Variants in PLCB1 observed in about 807,000 individuals in gnomAD.
PLCB1 encodes the protein phospholipase C beta 1.
A neutral mutation model predicts 161.8 loss-of-function variants in PLCB1; 46 were observed. The observed-to-expected ratio is 0.28, with a 90% CI of 0.22 to 0.36. PLCB1 has a LOEUF of 0.36. Ranked by LOEUF, PLCB1 falls within the 10% of genes least tolerant of loss-of-function variation. The probability of loss-of-function intolerance (pLI) is 1.00; values close to 1 mark genes in which losing one functional copy is unlikely to be tolerated. For synonymous variants in PLCB1, 517 were observed against 503.7 expected (o/e 1.03, Z -0.35); for missense variants, 1,016 against 1,472.5 (o/e 0.69, Z 5.07).
intron 2 of PLCB1, among the ~76,000 whole-genome samples, chr20:8,318,137 A>G (rs986400508): frequency 6.6e-6 from 1 of 152,106 alleles, no homozygotes. Flanking sequence ...GATGCATCCT[A>G]GTATTCATAA....
At chr20:8,333,658 T>G (rs1016644400) in intron 2 of PLCB1, among the ~76,000 whole-genome samples, 1 of 152,166 alleles carries the variant, frequency 6.6e-6, no homozygotes, top group Non-Finnish European at 1.5e-5. Context: ...CTAAAAAGCA[T>G]CTGGCCCAAA....
intron 3 of PLCB1, among the ~76,000 whole-genome samples, chr20:8,433,934 A>G (rs937913778): frequency 1.3e-5 from 2 of 150,322 alleles, no homozygotes; most frequent in Admixed American, 1.3e-4. Flanking sequence ...TCTTTCTATT[A>G]AAAAAACATG....
chr20:8,398,468 A>C (rs1046278472), intron 3 of PLCB1, among the ~76,000 whole-genome samples: 26 of 152,190 alleles, frequency 1.7e-4, no homozygotes, highest in African/African-American at 6.3e-4. Flanking sequence ...TGGGTAGTCC[A>C]AGGGCAAGGT....
chr20:8,151,557 A>C (rs2051508358), intron 2 of PLCB1, among the ~76,000 whole-genome samples: 1 of 152,118 alleles, frequency 6.6e-6, no homozygotes, highest in African/African-American at 2.4e-5. Context: ...TATGAGTAAG[A>C]TTTCCTACTT....
At chr20:8,869,364 G>A (rs146112462) in intron 31 of PLCB1, among the ~76,000 whole-genome samples, 17 of 152,086 alleles carry the variant, frequency 1.1e-4, no homozygotes, top group Admixed American at 2.0e-4. Context: ...GGCCTTAATC[G>A]CAGGCCCCAT....
At chr20:8,376,852 T>C (rs972348203) in intron 3 of PLCB1, among the ~76,000 whole-genome samples, 3 of 151,124 alleles carry the variant, frequency 2.0e-5, no homozygotes, top group Non-Finnish European at 2.9e-5. Flanking sequence ...GGCATGAACC[T>C]GGGAGGCAGA....
intron 3 of PLCB1, among the ~76,000 whole-genome samples, chr20:8,491,111 CAT>C (rs564020417): frequency 1.3e-5 from 2 of 150,918 alleles, no homozygotes. Context: ...GTGTTTGTGT[CAT>C]ATATATATAT....
In PLCB1 at chr20:8,296,530, C is replaced by T. The variant is rs189650884; in HGVS notation, c.178-74852C>T. ...GCAATGTCTTTTAGGTCCCTTTTCC[C>T]ATTAACTTTGTAGTTGTGAACAGTT... On this transcript the variant is annotated intron_variant, in intron 2 of 31. Coordinates refer to ENST00000338037, the MANE Select transcript of PLCB1 (RefSeq NM_015192.4). 2.6e-4 allele frequency among the ~76,000 whole-genome samples: 39 copies of T among 152,242 alleles called. No homozygotes were observed. The East Asian group carries it at 7.1e-3, about 28-fold the overall frequency.
chr20:8,323,007 T>C (rs188043893), intron 2 of PLCB1, among the ~76,000 whole-genome samples: 2 of 152,288 alleles, frequency 1.3e-5, no homozygotes, highest in Non-Finnish European at 2.9e-5. Flanking sequence ...TCAAAGAAGC[T>C]TCCTGATGCA....
intron 4 of PLCB1, among the ~76,000 whole-genome samples, chr20:8,634,716 T>A (rs1988706426): frequency 6.6e-6 from 1 of 152,146 alleles, no homozygotes; most frequent in African/African-American, 2.4e-5. Flanking sequence ...CAAAATGAAG[T>A]TTCTGTGCAT....
intron 3 of PLCB1, among the ~76,000 whole-genome samples, chr20:8,398,855 G>A (rs566581456): frequency 4.0e-5 from 6 of 150,148 alleles, no homozygotes; most frequent in South Asian, 4.2e-4. Context: ...GCTCTCTATC[G>A]TACCCTAGAG....
chr20:8,666,990 T>C (rs1989827295), intron 9 of PLCB1, among the ~76,000 whole-genome samples: 1 of 152,068 alleles, frequency 6.6e-6, no homozygotes, highest in Non-Finnish European at 1.5e-5. Flanking sequence ...ACCACTCCTC[T>C]GAAGGAAATA....
At chr20:8,219,771 A>G (rs1979311842) in intron 2 of PLCB1, among the ~76,000 whole-genome samples, 1 of 152,170 alleles carries the variant, frequency 6.6e-6, no homozygotes, top group Non-Finnish European at 1.5e-5. Flanking sequence ...CCACAAATAA[A>G]AGTTACATTA....
intron 3 of PLCB1, among the ~76,000 whole-genome samples, chr20:8,454,998 G>A (rs1216886351): frequency 1.3e-5 from 2 of 149,088 alleles, no homozygotes; most frequent in Non-Finnish European, 2.9e-5. Flanking sequence ...ATGAATGAAT[G>A]GGTGAAACCT....
intron 2 of PLCB1, among the ~76,000 whole-genome samples, chr20:8,216,254 C>A (rs1192759640): frequency 6.6e-6 from 1 of 152,026 alleles, no homozygotes; most frequent in Non-Finnish European, 1.5e-5. Context: ...TGTGCATGGA[C>A]TTCTATTCAC....
chr20:8,701,495 C>A (rs551279609), intron 11 of PLCB1, among the ~76,000 whole-genome samples: 1 of 152,308 alleles, frequency 6.6e-6, no homozygotes, highest in South Asian at 2.1e-4. Flanking sequence ...ACTCCCAATC[C>A]CCACACTACT....
intron 31 of PLCB1, among the ~76,000 whole-genome samples, chr20:8,812,768 A>G (rs1984892045): frequency 6.6e-6 from 1 of 152,218 alleles, no homozygotes; most frequent in Non-Finnish European, 1.5e-5. Context: ...ACTTTACCCA[A>G]AGAGACTGAC....
intron 2 of PLCB1, among the ~76,000 whole-genome samples, chr20:8,298,204 A>T (rs1324272640): frequency 1.3e-5 from 2 of 151,350 alleles, no homozygotes; most frequent in Non-Finnish European, 2.9e-5. Context: ...CTGAGGTAGG[A>T]GGATCGCTTG....
chr20:8,667,561 G>A (rs1315950149), intron 9 of PLCB1, among the ~76,000 whole-genome samples: 1 of 152,192 alleles, frequency 6.6e-6, no homozygotes, highest in Non-Finnish European at 1.5e-5. Context: ...TAGGAATTCT[G>A]TTTCTTTTCT....
Sources: allele counts gnomAD v4.1 joint callset (sites outside exome capture counted in the v4.1 genomes callset), GRCh38; gene constraint gnomAD v4.1.1; transcripts MANE v1.5; gene names NCBI Gene and HGNC (gene_info 2026-07-23, HGNC 2026-07-21).